Variants in ACAD10 observed in about 807,000 individuals in gnomAD.
The protein encoded by ACAD10 is acyl-CoA dehydrogenase family member 10.
In ACAD10, 112 loss-of-function variants were observed where a neutral mutation model predicts 116.8. The ratio of observed to expected loss-of-function variants is 0.96; its 90% CI spans 0.82 to 1.12. The LOEUF is 1.12. ACAD10 is among the 50% of genes most tolerant of loss of function. The pLI is 0.00. For missense variants in ACAD10, 1,259 were observed against 1,350.2 expected (o/e 0.93, Z 1.06); for synonymous variants, 486 against 510.6 (o/e 0.95, Z 0.65).
In ACAD10 at chr12:111,729,829, C is replaced by T. The variant is rs771054986; in HGVS notation, c.1267C>T (p.Arg423Ter). Residue 423 changes from arginine to a stop codon, truncating the protein, a stop_gained, in exon 10 of 21, where the codon CGA becomes TGA. Transcript: ENST00000313698. LOFTEE classifies it high-confidence loss of function. ...AGGGGACTATATTCCACGCCAGGTACGAACCTGGGTTAAGCAGTATCGAGC... is the reference window on the plus strand; with the variant it reads ...AGGGGACTATATTCCACGCCAGGTATGAACCTGGGTTAAGCAGTATCGAGC... ...KQGDYIPRQV[R>*]TWVKQYRASE... is the part of the protein sequence containing the mutation. The T allele has an allele frequency of 8.7e-6, 14 of 1,614,012 alleles. No homozygotes were observed. The East Asian group carries it at 1.3e-4, about 15-fold the overall frequency.
intron 8 of ACAD10, 71 bp from the exon 9 acceptor site, chr12:111,727,891 A>C (rs1889265503): frequency 6.8e-7 from 1 of 1,466,574 alleles, no homozygotes; most frequent in African/African-American, 1.4e-5. Flanking sequence ...AGTGACAAAG[A>C]ATAGGGTCAT....
chr12:111,717,265 G>A (rs1337232018), intron 7 of ACAD10, among the ~76,000 whole-genome samples: 1 of 151,578 alleles, frequency 6.6e-6, no homozygotes, highest in Non-Finnish European at 1.5e-5. Flanking sequence ...GGCTGAGGCT[G>A]GAGAATCACT....
intron 16 of ACAD10, 153 bp downstream of exon 16, chr12:111,747,538 T>A: frequency 6.8e-7 from 1 of 1,477,736 alleles, no homozygotes; most frequent in Non-Finnish European, 9.0e-7. Flanking sequence ...GCTGGGAGAA[T>A]AGGAGGGTAA....
intron 7 of ACAD10, among the ~76,000 whole-genome samples, chr12:111,718,286 T>G (rs1194248128): frequency 3.9e-5 from 6 of 151,982 alleles, no homozygotes; most frequent in Non-Finnish European, 8.8e-5. Flanking sequence ...TGATCTCAAG[T>G]GATTCACCTG....
chr12:111,696,118 G>A lies in ACAD10; in HGVS notation c.187+3222G>A, dbSNP rs575170984. 1.9e-3 allele frequency among the ~76,000 whole-genome samples: 289 copies of A among 151,614 alleles called. 3 individuals carry two copies. The highest frequency in any genetic ancestry group is 6.6e-3 in the African/African-American group (273 of 41,282). ...GCTCTGTTTCTTAGGCTGGAGTGCA[G>A]TGGTACAATCATGGCTCACTGCAGC... On this transcript the variant is annotated intron_variant, in intron 2 of 20. Coordinates refer to ENST00000313698, the MANE Select transcript of ACAD10 (RefSeq NM_025247.6).
At position 111,744,659 on chromosome 12, in the gene ACAD10, A is replaced by G; in HGVS notation, c.1731A>G (p.Thr577=). Residue 577 remains threonine, a synonymous_variant, in exon 13 of 21, where the codon ACA becomes ACG. Coordinates refer to ENST00000313698, the MANE Select transcript of ACAD10 (RefSeq NM_025247.6). ...KRSLTGQASS[T]YAEQTGKLTE... The stretch of plus-strand genomic sequence containing the variant: ...TCTGCTTAGGGCAAGCAAGCTCCAC[A>G]TATGCGGAACAAACTGGAAAGCTGA... 2 of 1,613,846 alleles carry G rather than the reference A, an allele frequency of 1.2e-6. No homozygotes were observed. Among genetic ancestry groups the G allele is most frequent in the South Asian group, 1.1e-5 (1 of 91,040 alleles).
At chr12:111,750,683 C>T (rs1890050567) in intron 18 of ACAD10, among the ~76,000 whole-genome samples, 1 of 152,200 alleles carries the variant, frequency 6.6e-6, no homozygotes, top group Non-Finnish European at 1.5e-5. Flanking sequence ...GTACCACCCT[C>T]CTCCACAGCA....
chr12:111,737,804 A>G (rs1889614658), intron 12 of ACAD10, among the ~76,000 whole-genome samples: 2 of 151,596 alleles, frequency 1.3e-5, no homozygotes, highest in Non-Finnish European at 2.9e-5. Context: ...GTGTGTGACC[A>G]TTTGCATATT....
chr12:111,716,902 TC>T (rs1315575064), intron 7 of ACAD10, among the ~76,000 whole-genome samples: 2 of 152,138 alleles, frequency 1.3e-5, no homozygotes, highest in African/African-American at 4.8e-5. Context: ...TATACTATAA[TC>T]TGTACCATAA....
At chr12:111,719,166 A>G (rs1888938799) in intron 7 of ACAD10, among the ~76,000 whole-genome samples, 1 of 152,228 alleles carries the variant, frequency 6.6e-6, no homozygotes, top group Non-Finnish European at 1.5e-5. Flanking sequence ...TTAATTTTCA[A>G]ATATTTGGGG....
chr12:111,709,229 C>A (rs949721249), intron 4 of ACAD10, among the ~76,000 whole-genome samples: 2 of 152,048 alleles, frequency 1.3e-5, no homozygotes, highest in African/African-American at 4.8e-5. Flanking sequence ...TAATATTATT[C>A]CCATTTTATT....
At chr12:111,698,786 G>A (rs1044290089) in intron 2 of ACAD10, among the ~76,000 whole-genome samples, 3 of 151,958 alleles carry the variant, frequency 2.0e-5, no homozygotes, top group Admixed American at 6.6e-5. Context: ...GGTCATAACC[G>A]TTTATCTGTT....
chr12:111,745,221 C>A, intron 13 of ACAD10, 178 bp downstream of exon 13: 2 of 714,134 alleles, frequency 2.8e-6, no homozygotes, highest in Non-Finnish European at 4.5e-6. Context: ...CCATCTCTTG[C>A]TCTTGCTGTG....
At chr12:111,733,785 C>A in intron 10 of ACAD10, 138 bp from the exon 11 acceptor site, 2 of 1,036,080 alleles carry the variant, frequency 1.9e-6, no homozygotes, top group Non-Finnish European at 2.9e-6. Context: ...GAGCACACAG[C>A]CCAGGGAGCT....
intron 11 of ACAD10, among the ~76,000 whole-genome samples, chr12:111,736,630 C>A (rs1156668695): frequency 1.3e-5 from 2 of 152,116 alleles, no homozygotes; most frequent in African/African-American, 4.8e-5. Flanking sequence ...CTGTAAGAGC[C>A]AATTTGTGAA....
chr12:111,734,020 T>C lies in ACAD10; in HGVS notation c.1492T>C (p.Tyr498His). Residue 498 changes from tyrosine to histidine, a missense_variant, in exon 11 of 21, where the codon TAC becomes CAC. Physicochemically the swap from Tyr to His is moderately conservative, Grantham distance 83 (BLOSUM62 2). Coordinates refer to ENST00000313698, the MANE Select transcript of ACAD10 (RefSeq NM_025247.6). The stretch of plus-strand genomic sequence containing the variant: ...GGGCGACCCCCTTGCTGATGTGGCC[T>C]ACAGCTGCCTGGCTCATTACCTGCC... ...TLGDPLADVA[Y>H]SCLAHYLPSS... 6.2e-7 allele frequency: 1 copy of C among 1,614,198 alleles called. No homozygotes were observed. The highest frequency in any genetic ancestry group is 8.5e-7 in the Non-Finnish European group (1 of 1,180,020).
intron 16 of ACAD10, chr12:111,747,733 A>G (rs1456813487): frequency 2.7e-6 from 3 of 1,122,612 alleles, no homozygotes; most frequent in Non-Finnish European, 3.3e-6. Flanking sequence ...CAGGTGTGTT[A>G]CATCCTAAGG....
At chr12:111,689,400 T>G (rs1887974683) in intron 1 of ACAD10, among the ~76,000 whole-genome samples, 2 of 152,112 alleles carry the variant, frequency 1.3e-5, no homozygotes, top group Non-Finnish European at 2.9e-5. Flanking sequence ...AGTCTCACTC[T>G]ATAACCCCGG....
intron 18 of ACAD10, chr12:111,753,102 C>T (rs556243334): frequency 5.5e-6 from 1 of 182,862 alleles, no homozygotes; most frequent in East Asian, 1.4e-4. Flanking sequence ...CAAGATCACG[C>T]CACTGCACTC....
Sources: gnomAD v4.1 joint callset for allele counts (sites outside exome capture counted in the v4.1 genomes callset) on GRCh38, gnomAD v4.1.1 for gene constraint, MANE v1.5 for transcripts, NCBI Gene and HGNC (gene_info 2026-07-23, HGNC 2026-07-21) for gene names.